Variants in ATAD2B observed in about 807,000 individuals in gnomAD.
The protein encoded by ATAD2B is ATPase family AAA domain-containing protein 2B.
ATAD2B carries 40 observed loss-of-function variants against 167.6 expected under a neutral mutation model. The observed-to-expected ratio is 0.24, with a 90% CI of 0.19 to 0.31. The LOEUF is 0.31. Among genes scored for constraint, ATAD2B ranks in the 10% least tolerant of loss-of-function variants. The pLI is 1.00. For missense variants in ATAD2B, 1,242 were observed against 1,757.2 expected (o/e 0.71, Z 5.24); for synonymous variants, 579 against 596.5 (o/e 0.97, Z 0.43).
At chr2:23,764,194 C>G (rs1447660962) in intron 23 of ATAD2B, among the ~76,000 whole-genome samples, 1 of 152,140 alleles carries the variant, frequency 6.6e-6, no homozygotes, top group African/African-American at 2.4e-5. Flanking sequence ...CAAATGGGCT[C>G]CAACAGCTTT....
the ATAD2B span, among the ~76,000 whole-genome samples, chr2:23,687,720 G>C: frequency 6.6e-6 from 1 of 152,170 alleles, no homozygotes; most frequent in Non-Finnish European, 1.5e-5. Flanking sequence ...GGCATTGTCC[G>C]GGCAGACAAG....
chr2:23,742,610 C>G, the ATAD2B span, among the ~76,000 whole-genome samples: 1 of 150,836 alleles, frequency 6.6e-6, no homozygotes, highest in Non-Finnish European at 1.5e-5. Flanking sequence ...TGATAAATGA[C>G]GAGTTAATGG....
At chr2:23,806,627 T>C (rs961324528) in intron 18 of ATAD2B, among the ~76,000 whole-genome samples, 1 of 152,240 alleles carries the variant, frequency 6.6e-6, no homozygotes, top group Admixed American at 6.5e-5. Context: ...TAATTAGAAC[T>C]GTACTTAATT....
At position 23,828,891 on chromosome 2, in the gene ATAD2B, AT is replaced by A; in HGVS notation, c.1776del (p.Lys592AsnfsTer7). On this transcript the variant is annotated frameshift_variant, in exon 15 of 28. Coordinates refer to ENST00000238789, the MANE Select transcript of ATAD2B (RefSeq NM_017552.4). LOFTEE classifies it high-confidence loss of function. Reference sequence around the variant, plus strand: ...AATTCACCTAAAAATGCATCTGACAATTTTGGATTCCAGTCCCTGGTATGGA... The same window carrying A: ...AATTCACCTAAAAATGCATCTGACAATTTGGATTCCAGTCCCTGGTATGGA... The part of the protein sequence containing the change: ...LQIHTRDWNP[K>X]LSDAFLGELA... 6.2e-7 allele frequency: 1 copy of A among 1,610,924 alleles called. No homozygotes were observed. The highest frequency in any genetic ancestry group is 1.1e-5 in the South Asian group (1 of 90,138).
intron 1 of ATAD2B, chr2:23,900,765 T>A (rs568960150): frequency 2.6e-5 from 4 of 152,384 alleles, no homozygotes; most frequent in Admixed American, 2.6e-4. Flanking sequence ...GGTTCCCACT[T>A]GGCTGAAGCT....
the ATAD2B span, among the ~76,000 whole-genome samples, chr2:23,725,848 CACAA>C: frequency 6.6e-6 from 1 of 152,126 alleles, no homozygotes; most frequent in Non-Finnish European, 1.5e-5. Context: ...GAAACACACA[CACAA>C]ACAAAACCCC....
chr2:23,685,046 A>G, the ATAD2B span, among the ~76,000 whole-genome samples: 1 of 152,176 alleles, frequency 6.6e-6, no homozygotes, highest in Non-Finnish European at 1.5e-5. Context: ...CCCCAGCCCA[A>G]GTAGGGGAGA....
chr2:23,910,439 A>G (rs1253767054), intron 1 of ATAD2B, among the ~76,000 whole-genome samples: 1 of 150,712 alleles, frequency 6.6e-6, no homozygotes, highest in East Asian at 2.0e-4. Context: ...AGGCCTCCCA[A>G]AGTGCTGAGA....
intron 19 of ATAD2B, among the ~76,000 whole-genome samples, chr2:23,788,952 G>C (rs550521147): frequency 3.3e-5 from 5 of 152,104 alleles, no homozygotes; most frequent in South Asian, 2.1e-4. Flanking sequence ...AATCTCAAAG[G>C]CTTTTACATT....
intron 18 of ATAD2B, among the ~76,000 whole-genome samples, chr2:23,802,725 C>G (rs1392422475): frequency 1.3e-5 from 2 of 151,798 alleles, no homozygotes; most frequent in Non-Finnish European, 2.9e-5. Context: ...TATACACAGA[C>G]TGCTACAGAG....
At chr2:23,783,542 G>A (rs966760629) in intron 21 of ATAD2B, among the ~76,000 whole-genome samples, 9 of 151,928 alleles carry the variant, frequency 5.9e-5, no homozygotes, top group Non-Finnish European at 1.2e-4. Flanking sequence ...CAAACATTTA[G>A]AGTCAATTAT....
chr2:23,749,480 C>T lies in ATAD2B; in HGVS notation c.*2566G>A, dbSNP rs889619609. The T allele has an allele frequency of 2.0e-5, 3 of 152,062 alleles. No individual in the cohort carries two copies. The highest frequency in any genetic ancestry group is 2.0e-4 in the Admixed American group (3 of 15,242). The allele number at this position is 152,062 out of a possible 1,614,324, so 9.4% of individuals were successfully genotyped here. On this transcript the variant is annotated 3_prime_UTR_variant, in exon 28 of 28. Coordinates refer to ENST00000238789, the MANE Select transcript of ATAD2B (RefSeq NM_017552.4). ...AGAAAGGTAAACAAAATTGAGTCCA[C>T]TTTTTTAATTTCACAAGCTGCTTTA...
intron 7 of ATAD2B, among the ~76,000 whole-genome samples, chr2:23,877,094 A>G (rs1260111190): frequency 6.6e-6 from 1 of 151,276 alleles, no homozygotes; most frequent in African/African-American, 2.4e-5. Flanking sequence ...AGAAAGAAAG[A>G]AATTTAGCAC....
chr2:23,905,032 T>C (rs994713607), intron 1 of ATAD2B, among the ~76,000 whole-genome samples: 5 of 152,078 alleles, frequency 3.3e-5, no homozygotes, highest in African/African-American at 1.2e-4. Context: ...TAAGCAATCA[T>C]CATGAAAGAA....
the ATAD2B span, among the ~76,000 whole-genome samples, chr2:23,742,035 A>C: frequency 6.6e-6 from 1 of 152,216 alleles, no homozygotes. Context: ...AATGGCAATC[A>C]TTAAAAAGTC....
intron 1 of ATAD2B, among the ~76,000 whole-genome samples, chr2:23,914,768 G>A (rs1053688714): frequency 2.0e-5 from 3 of 151,776 alleles, no homozygotes; most frequent in Admixed American, 6.6e-5. Flanking sequence ...CGTGAACCCC[G>A]GGGGGCGGAA....
intron 1 of ATAD2B, among the ~76,000 whole-genome samples, chr2:23,911,862 C>A (rs1380006561): frequency 2.0e-5 from 3 of 151,698 alleles, no homozygotes; most frequent in African/African-American, 7.3e-5. Context: ...GTAACCCCAG[C>A]TACTCAGGAG....
the ATAD2B span, chr2:23,684,418 C>T: frequency 1.9e-6 from 3 of 1,539,142 alleles, no homozygotes; most frequent in African/African-American, 1.4e-5. This position sits in a 1 kb window ranked among gnomAD's most constrained non-coding sequence, Gnocchi z 4.4. Context: ...AGGAATTGAA[C>T]CAGCAACGCA....
the ATAD2B span, among the ~76,000 whole-genome samples, chr2:23,726,295 T>C: frequency 1.3e-5 from 2 of 152,210 alleles, no homozygotes; most frequent in Non-Finnish European, 2.9e-5. Context: ...TGTGTAACTT[T>C]TGACTCCCCA....
Sources: gnomAD v4.1 joint callset for allele counts (sites outside exome capture counted in the v4.1 genomes callset) on GRCh38, gnomAD v4.1.1 for gene constraint, Gnocchi (gnomAD v3.1) non-coding constraint, MANE v1.5 for transcripts, NCBI Gene and HGNC (gene_info 2026-07-23, HGNC 2026-07-21) for gene names.